Variants in CAMK4 observed in about 807,000 individuals in gnomAD.
CAMK4 encodes the protein calcium/calmodulin dependent protein kinase IV.
A neutral mutation model predicts 44.9 loss-of-function variants in CAMK4; 22 were observed. The ratio of observed to expected loss-of-function variants is 0.49; its 90% CI spans 0.35 to 0.70. The LOEUF (loss-of-function observed/expected upper bound fraction) is 0.70, where lower values mean the gene tolerates loss of function less well. Ranked by LOEUF, CAMK4 falls within the 30% of genes least tolerant of loss-of-function variation. The pLI is 0.01. For missense variants in CAMK4, 498 were observed against 586.8 expected (o/e 0.85, Z 1.56); for synonymous variants, 218 against 215.4 (o/e 1.01, Z -0.11).
At chr5:111,355,550 G>A (rs1432093564) in intron 2 of CAMK4, among the ~76,000 whole-genome samples, 2 of 144,596 alleles carry the variant, frequency 1.4e-5, no homozygotes, top group African/African-American at 5.0e-5. Flanking sequence ...TGTGCACAAT[G>A]TGCAGGTTAG....
chr5:111,461,432 A>G (rs1754638996), intron 7 of CAMK4, among the ~76,000 whole-genome samples: 2 of 152,308 alleles, frequency 1.3e-5, no homozygotes, highest in South Asian at 2.1e-4. Flanking sequence ...AATTGCACCA[A>G]GTTTTAAACA....
intron 5 of CAMK4, among the ~76,000 whole-genome samples, chr5:111,422,169 A>C (rs991501598): frequency 6.6e-6 from 1 of 152,326 alleles, no homozygotes; most frequent in East Asian, 1.9e-4. Flanking sequence ...ATTCCTCTAT[A>C]TTCTTCTAAC....
chr5:111,465,196 T>G (rs1754781809), intron 7 of CAMK4, among the ~76,000 whole-genome samples: 1 of 151,790 alleles, frequency 6.6e-6, no homozygotes, highest in Admixed American at 6.6e-5. Flanking sequence ...CGGGTTGCAC[T>G]TAAGGCAGTG....
intron 1 of CAMK4, among the ~76,000 whole-genome samples, chr5:111,268,041 AG>A (rs1750341365): frequency 6.6e-6 from 1 of 152,226 alleles, no homozygotes; most frequent in African/African-American, 2.4e-5. Context: ...TCCACTCAAC[AG>A]GCAGATTGGC....
chr5:111,422,082 G>A lies in CAMK4; in HGVS notation c.460-24604G>A, dbSNP rs1753052430. Among the ~76,000 whole-genome samples, 4 of 152,124 alleles carry A rather than the reference G, an allele frequency of 2.6e-5. No homozygotes were observed. In the South Asian group the frequency reaches 8.3e-4, roughly 32 times the overall value. On this transcript the variant is annotated intron_variant, in intron 5 of 10. Coordinates refer to ENST00000282356, the MANE Select transcript of CAMK4 (RefSeq NM_001744.6). ...CCATGCTTGGGTATGTCTTTATTAG[G>A]AGTGTGAGAACGGACTAATACAGAC...
chr5:111,488,228 A>C lies in CAMK4; in HGVS notation c.*3762A>C, dbSNP rs1233158974. 1 of 152,238 alleles carries C rather than the reference A, an allele frequency of 6.6e-6. No individual in the cohort carries two copies. Among genetic ancestry groups the C allele is most frequent in the Admixed American group, 6.5e-5 (1 of 15,278 alleles). The allele number at this position is 152,238 out of a possible 1,614,324, so 9.4% of individuals were successfully genotyped here. ...ATCTAATGAACCATACCAAATCTGC[A>C]TGATGAAGATTGTGTAATGATGGTG... On this transcript the variant is annotated 3_prime_UTR_variant, in exon 11 of 11. Coordinates refer to ENST00000282356, the MANE Select transcript of CAMK4 (RefSeq NM_001744.6).
chr5:111,489,477 G>GC lies in CAMK4; in HGVS notation c.*5011_*5012insC, dbSNP rs1268353996. On this transcript the variant is annotated 3_prime_UTR_variant, in exon 11 of 11. Transcript: ENST00000282356. ...AATAACAAACTTGATTAATTTGTTT[G>GC]GTTATTTAAAATTCCAACTTTCATA... The GC allele has an allele frequency of 2.6e-5, 4 of 152,122 alleles. No homozygotes were observed. Among genetic ancestry groups the GC allele is most frequent in the African/African-American group, 9.7e-5 (4 of 41,438 alleles). 9.4% of individuals were successfully genotyped at this position (152,122 alleles called of 1,614,324 possible).
At chr5:111,331,090 C>T (rs1325901067) in intron 1 of CAMK4, among the ~76,000 whole-genome samples, 1 of 151,550 alleles carries the variant, frequency 6.6e-6, no homozygotes, top group African/African-American at 2.4e-5. Context: ...AAAAAGCACT[C>T]ACTGTAAAAG....
intron 6 of CAMK4, 97 bp from the exon 7 acceptor site, chr5:111,449,032 A>T: frequency 1.7e-6 from 1 of 576,632 alleles, no homozygotes; most frequent in Non-Finnish European, 3.1e-6. Flanking sequence ...AAAGAAAGCA[A>T]ATAGATAAAT....
intron 6 of CAMK4, among the ~76,000 whole-genome samples, chr5:111,447,953 A>T (rs999916408): frequency 2.0e-5 from 3 of 152,338 alleles, no homozygotes; most frequent in South Asian, 4.1e-4. Context: ...CAATTTCTTT[A>T]AATGGATGGA....
intron 2 of CAMK4, among the ~76,000 whole-genome samples, chr5:111,369,655 G>T (rs1280561783): frequency 6.6e-6 from 1 of 151,998 alleles, no homozygotes; most frequent in Non-Finnish European, 1.5e-5. Flanking sequence ...TTGAAGTACG[G>T]TCATTCCTCA....
intron 1 of CAMK4, among the ~76,000 whole-genome samples, chr5:111,326,683 T>TG (rs1748904127): frequency 6.7e-6 from 1 of 148,680 alleles, no homozygotes; most frequent in Non-Finnish European, 1.5e-5. Context: ...AAGCTATAAA[T>TG]AAAAAAAAAG....
intron 2 of CAMK4, among the ~76,000 whole-genome samples, chr5:111,360,301 A>G (rs538624010): frequency 1.3e-5 from 2 of 152,190 alleles, no homozygotes; most frequent in South Asian, 4.1e-4. Flanking sequence ...TCTGGCTTAG[A>G]TAACCCAGGG....
chr5:111,285,741 A>G (rs1369844022), intron 1 of CAMK4, among the ~76,000 whole-genome samples: 3 of 152,154 alleles, frequency 2.0e-5, no homozygotes, highest in Admixed American at 6.5e-5. Flanking sequence ...TTCCCTGTCA[A>G]TGCTATTATG....
intron 1 of CAMK4, among the ~76,000 whole-genome samples, chr5:111,282,178 G>C (rs1284783490): frequency 6.6e-6 from 1 of 152,138 alleles, no homozygotes; most frequent in Non-Finnish European, 1.5e-5. Flanking sequence ...ATATGGGGCT[G>C]TTTGGCTAAT....
Position 111,482,631 on chromosome 5 carries a change from C to T in CAMK4, c.829-154C>T. The T allele has an allele frequency of 1.9e-6, 1 of 534,950 alleles. No homozygotes were observed. The highest frequency in any genetic ancestry group is 3.3e-6 in the Non-Finnish European group (1 of 307,058). 33.1% of individuals were successfully genotyped at this position (534,950 alleles called of 1,614,324 possible). ...TACTGCTACCTGAAGCTGTGCCTACCTACAGTGGCCCCTGAGGACTTAAAC... is the reference window on the plus strand; with the variant it reads ...TACTGCTACCTGAAGCTGTGCCTACTTACAGTGGCCCCTGAGGACTTAAAC... On this transcript the variant is annotated intron_variant, in intron 9 of 10. Transcript: ENST00000282356. The surrounding 1 kb of genome is among the most constrained non-coding windows in gnomAD (Gnocchi z 4.9).
chr5:111,472,777 G>A (rs182455998), intron 7 of CAMK4, among the ~76,000 whole-genome samples: 60 of 152,126 alleles, frequency 3.9e-4, no homozygotes, highest in Non-Finnish European at 7.4e-4. Flanking sequence ...CAGGACATGT[G>A]CCAGGACACC....
intron 2 of CAMK4, among the ~76,000 whole-genome samples, chr5:111,371,880 A>G (rs1169140538): frequency 6.6e-6 from 1 of 152,132 alleles, no homozygotes; most frequent in Non-Finnish European, 1.5e-5. Flanking sequence ...CACCAATGAC[A>G]TCAAAACAAT....
chr5:111,316,805 A>G (rs1319260650), intron 1 of CAMK4, among the ~76,000 whole-genome samples: 1 of 152,188 alleles, frequency 6.6e-6, no homozygotes, highest in Non-Finnish European at 1.5e-5. Context: ...TGCATTTTCA[A>G]GAATAGGAAT....
Sources: gnomAD v4.1 joint callset for allele counts (sites outside exome capture counted in the v4.1 genomes callset) on GRCh38, gnomAD v4.1.1 for gene constraint, Gnocchi (gnomAD v3.1) non-coding constraint, MANE v1.5 for transcripts, NCBI Gene and HGNC (gene_info 2026-07-23, HGNC 2026-07-21) for gene names.